The following TRPS1 variants were observed in gnomAD, a reference collection of about 807,000 sequenced individuals.
TRPS1 encodes transcriptional repressor GATA binding 1, also known as zinc finger transcription factor Trps1.
A neutral mutation model predicts 101.2 loss-of-function variants in TRPS1; 6 were observed. That is an observed-to-expected ratio of 0.06 (90% CI 0.03 to 0.12). The LOEUF (loss-of-function observed/expected upper bound fraction) is 0.12, where lower values mean the gene tolerates loss of function less well. TRPS1 is among the 10% of genes least tolerant of loss of function. The pLI, the probability that TRPS1 is intolerant of heterozygous loss-of-function variation, is 1.00. For synonymous variants in TRPS1, 578 were observed against 589.8 expected, an observed-to-expected ratio of 0.98 and a Z score of 0.29; for missense variants, 1,363 against 1,567.0, an observed-to-expected ratio of 0.87 and a Z score of 2.20.
intron 5 of TRPS1, among the ~76,000 whole-genome samples, chr8:115,586,172 CT>C (rs1817556196): frequency 6.6e-6 from 1 of 152,192 alleles, no homozygotes; most frequent in African/African-American, 2.4e-5. Context: ...AAGCTCAAAA[CT>C]TTCACAGACT....
intron 5 of TRPS1, among the ~76,000 whole-genome samples, chr8:115,522,320 T>C (rs1225803667): frequency 6.6e-6 from 1 of 152,032 alleles, no homozygotes; most frequent in African/African-American, 2.4e-5. Context: ...CTATAAATGA[T>C]AGATATATCT....
chr8:115,563,672 C>A (rs774697040), intron 5 of TRPS1, among the ~76,000 whole-genome samples: 1 of 152,114 alleles, frequency 6.6e-6, no homozygotes, highest in Non-Finnish European at 1.5e-5. Context: ...TGGGAGCCAA[C>A]CACGTGATCT....
At chr8:115,600,546 T>G (rs2130481304) in intron 4 of TRPS1, among the ~76,000 whole-genome samples, 1 of 152,238 alleles carries the variant, frequency 6.6e-6, no homozygotes, top group Middle Eastern at 3.4e-3. Context: ...GGCTTAGTCT[T>G]CAGATCAAAT....
chr8:115,466,856 T>G (rs1353629805), intron 5 of TRPS1, among the ~76,000 whole-genome samples: 1 of 152,174 alleles, frequency 6.6e-6, no homozygotes, highest in Admixed American at 6.5e-5. Context: ...TAATTTCCTT[T>G]TTGTAATGGT....
At chr8:115,585,778 T>C (rs1817548902) in intron 5 of TRPS1, among the ~76,000 whole-genome samples, 1 of 152,200 alleles carries the variant, frequency 6.6e-6, no homozygotes. Context: ...GATTCTTTGT[T>C]TCTCTCTGTA....
intron 5 of TRPS1, among the ~76,000 whole-genome samples, chr8:115,482,094 G>A (rs541338157): frequency 6.6e-6 from 1 of 152,208 alleles, no homozygotes; most frequent in African/African-American, 2.4e-5. Context: ...GTATAAACTG[G>A]GGACTCAGTC....
chr8:115,659,172 G>C (rs1042493565), intron 1 of TRPS1, among the ~76,000 whole-genome samples: 1 of 151,822 alleles, frequency 6.6e-6, no homozygotes, highest in Admixed American at 6.6e-5. Context: ...AAATACAAAG[G>C]AGAAACATCT....
chr8:115,545,690 A>G (rs1816553509), intron 5 of TRPS1, among the ~76,000 whole-genome samples: 1 of 152,206 alleles, frequency 6.6e-6, no homozygotes, highest in African/African-American at 2.4e-5. Flanking sequence ...TATTTTAGAT[A>G]AAGATCCAAT....
intron 5 of TRPS1, among the ~76,000 whole-genome samples, chr8:115,505,960 A>G (rs1815433258): frequency 6.6e-6 from 1 of 152,122 alleles, no homozygotes. Context: ...GAAAACTTCA[A>G]AACTATAATG....
intron 5 of TRPS1, among the ~76,000 whole-genome samples, chr8:115,465,703 A>G (rs1238202984): frequency 6.6e-6 from 1 of 152,098 alleles, no homozygotes; most frequent in East Asian, 1.9e-4. Context: ...CAAAAGTATG[A>G]TCTTTCATTT....
chr8:115,465,489 G>C (rs1814293607), intron 5 of TRPS1, among the ~76,000 whole-genome samples: 1 of 151,994 alleles, frequency 6.6e-6, no homozygotes, highest in Non-Finnish European at 1.5e-5. Context: ...GAAGTTCCCA[G>C]GCCTTAAATT....
chr8:115,434,052 A>G (rs561435724), intron 5 of TRPS1, among the ~76,000 whole-genome samples: 1 of 106,282 alleles, frequency 9.4e-6, no homozygotes, highest in African/African-American at 3.7e-5. Context: ...ACTGCTGTTA[A>G]TAAGTGAATA....
chr8:115,558,421 T>C (rs1203633542), intron 5 of TRPS1, among the ~76,000 whole-genome samples: 5 of 152,180 alleles, frequency 3.3e-5, no homozygotes, highest in African/African-American at 1.2e-4. Context: ...AGCCTAGCTG[T>C]TCTACCTCCC....
intron 3 of TRPS1, among the ~76,000 whole-genome samples, chr8:115,612,109 A>G (rs1365591100): frequency 6.6e-6 from 1 of 151,582 alleles, no homozygotes; most frequent in African/African-American, 2.4e-5. Context: ...TGAAAAAAAG[A>G]GAAGGAGAAA....
chr8:115,455,580 G>A (rs977535135), intron 5 of TRPS1, among the ~76,000 whole-genome samples: 10 of 152,038 alleles, frequency 6.6e-5, no homozygotes, highest in Middle Eastern at 3.2e-3. Flanking sequence ...ACATCAATGC[G>A]TTATTCACAA....
Position 115,414,157 on chromosome 8 carries a change from C to T in TRPS1, c.3751G>A (p.Gly1251Ser), listed in dbSNP as rs1234476401. The T allele has an allele frequency of 6.2e-7, 1 of 1,614,014 alleles. No individual in the cohort carries two copies. The highest frequency in any genetic ancestry group is 1.7e-5 in the Admixed American group (1 of 59,992). ...CTGCACTGGAAAGGTCCACTGTCAC[C>T]ATGGCAACTCATATGCAAAGCATAC... is the stretch of plus-strand genomic sequence containing the variant. ...VMYALHMSCHGDSGPFQCSIC... is the reference protein window; with the variant it reads ...VMYALHMSCHSDSGPFQCSIC... Residue 1251 changes from glycine (G) to serine (S), a missense_variant, in exon 7 of 7, where the codon GGT (glycine) becomes AGT (serine). Gly to Ser is a moderately conservative substitution (Grantham distance 56). Around this residue, in one of 5 missense-constraint regions of TRPS1, gnomAD observed 307 missense variants for 392.4 expected, o/e 0.78. Coordinates refer to ENST00000395715, the MANE Select transcript of TRPS1 (RefSeq NM_014112.5). This position sits in a 1 kb window ranked among gnomAD's most constrained non-coding sequence, Gnocchi z 4.8.
chr8:115,425,120 G>A (rs1271892583), intron 5 of TRPS1, among the ~76,000 whole-genome samples: 1 of 152,134 alleles, frequency 6.6e-6, no homozygotes, highest in Non-Finnish European at 1.5e-5. Context: ...GCACAGGCTG[G>A]CCAACAATTG....
chr8:115,579,325 T>C (rs529613934), intron 5 of TRPS1, among the ~76,000 whole-genome samples: 16 of 152,226 alleles, frequency 1.1e-4, no homozygotes, highest in Admixed American at 3.3e-4. Flanking sequence ...ATTTAACACC[T>C]ACAAACAGGT....
rs1282614664 is a variant in TRPS1 at position 115,619,716 on chromosome 8, A to G, written c.382T>C (p.Ser128Pro). Residue 128 changes from serine to proline, a missense_variant, in exon 3 of 7, where the codon TCT becomes CCT. Physicochemically the swap from Ser to Pro is moderately conservative, Grantham distance 74. Around this residue, in one of 5 missense-constraint regions of TRPS1, gnomAD observed 1,020 missense variants for 1,073.0 expected, o/e 0.95. Transcript: ENST00000395715. ...TCACAGACTCCCCCAGCAGCTGGAG[A>G]TGAGAAAGCCAACATATTTCTGTCT... is the stretch of plus-strand genomic sequence containing the variant. ...VTDRNMLAFS[S>P]PAAGGVCEPL... 6.2e-7 allele frequency: 1 copy of G among 1,614,040 alleles called. No homozygotes were observed. Among genetic ancestry groups the G allele is most frequent in the Non-Finnish European group, 8.5e-7 (1 of 1,180,038 alleles).
Sources: gnomAD v4.1 joint callset for allele counts (sites outside exome capture counted in the v4.1 genomes callset) on GRCh38, gnomAD v4.1.1 for gene constraint, gnomAD v4.1.1 regional missense constraint, Gnocchi (gnomAD v3.1) non-coding constraint, MANE v1.5 for transcripts, NCBI Gene and HGNC (gene_info 2026-07-23, HGNC 2026-07-21) for gene names.